Variants in CDH23 observed in about 807,000 individuals in gnomAD.
CDH23 encodes cadherin-23.
CDH23 carries 189 observed loss-of-function variants against 317.1 expected under a neutral mutation model. The ratio of observed to expected loss-of-function variants is 0.60; its 90% CI spans 0.53 to 0.67. The LOEUF is 0.67. Among genes scored for constraint, CDH23 ranks in the 30% least tolerant of loss-of-function variants. The pLI, the probability that CDH23 is intolerant of heterozygous loss-of-function variation, is 0.00. For synonymous variants in CDH23, 1,839 were observed against 1,876.8 expected, an observed-to-expected ratio of 0.98 and a Z score of 0.52; for missense variants, 4,401 against 4,592.4, an observed-to-expected ratio of 0.96 and a Z score of 1.20.
In CDH23 at chr10:71,688,484, CGTGGAGCCAGGGATG is replaced by C. The variant is rs1334096595; in HGVS notation, c.2059+778_2059+792del. ...GAATAAGGATGGTGGAGCCAGGGGT[CGTGGAGCCAGGGATG>C]GTGGAGCCAGGGGTGGTGGAGTCAG... On this transcript the variant is annotated intron_variant, in intron 19 of 69. Coordinates refer to ENST00000224721, the MANE Select transcript of CDH23 (RefSeq NM_022124.6). 5.4e-3 allele frequency among the ~76,000 whole-genome samples: 603 copies of C among 111,498 alleles called. 5 individuals carry two copies. The highest frequency in any genetic ancestry group is 0.02 in the African/African-American group (566 of 28,904). The allele number at this position is 111,498 out of a possible 152,430, so 73.1% of individuals were successfully genotyped here.
chr10:71,642,932 G>T (rs1477136930), intron 11 of CDH23, among the ~76,000 whole-genome samples: 1 of 152,172 alleles, frequency 6.6e-6, no homozygotes, highest in East Asian at 1.9e-4. Context: ...CAGCCTCAAG[G>T]GGCTGCTGAC....
intron 18 of CDH23, among the ~76,000 whole-genome samples, chr10:71,683,913 G>A (rs1227093): frequency 6.6e-6 from 1 of 151,650 alleles, no homozygotes; most frequent in African/African-American, 2.4e-5. Context: ...AAACTCCATC[G>A]CTACTAAAAA....
At chr10:71,780,670 G>T (rs1672280692) in intron 41 of CDH23, among the ~76,000 whole-genome samples, 1 of 152,160 alleles carries the variant, frequency 6.6e-6, no homozygotes, top group South Asian at 2.1e-4. Flanking sequence ...CTCTGAGGTG[G>T]GAACCCTAAG....
At chr10:71,762,447 T>C (rs1365848931) in intron 38 of CDH23, among the ~76,000 whole-genome samples, 2 of 152,378 alleles carry the variant, frequency 1.3e-5, no homozygotes, top group East Asian at 3.9e-4. Context: ...CTCCTAGGAC[T>C]GAACATGCCT....
At chr10:71,720,639 C>G (rs780711739) in intron 28 of CDH23, among the ~76,000 whole-genome samples, 8 of 152,132 alleles carry the variant, frequency 5.3e-5, no homozygotes, top group Non-Finnish European at 8.8e-5. Context: ...TTTTGGAGCC[C>G]CAGTTTCTGG....
At chr10:71,631,024 A>T (rs1458318660) in intron 11 of CDH23, among the ~76,000 whole-genome samples, 2 of 152,236 alleles carry the variant, frequency 1.3e-5, no homozygotes, top group Non-Finnish European at 2.9e-5. Context: ...CAGGAGGATT[A>T]TGTGAGCCCA....
chr10:71,782,392 G>A (rs1273023165), intron 41 of CDH23, among the ~76,000 whole-genome samples: 1 of 152,244 alleles, frequency 6.6e-6, no homozygotes, highest in Non-Finnish European at 1.5e-5. Context: ...CCCCAAGGTG[G>A]CATCTCTCTA....
intron 1 of CDH23, among the ~76,000 whole-genome samples, chr10:71,423,987 A>G (rs1482855857): frequency 6.6e-6 from 1 of 152,230 alleles, no homozygotes; most frequent in African/African-American, 2.4e-5. Context: ...GGTTGTCACT[A>G]TGACTGTTGG....
In CDH23 at chr10:71,716,150, G is replaced by A. The variant is rs544296493; in HGVS notation, c.3369+3337G>A. On this transcript the variant is annotated intron_variant, in intron 28 of 69. Transcript: ENST00000224721. Reference sequence around the variant, plus strand: ...AGCCCTGCGGCGGCTCGGGTCCAGCGCGGCCGGCTTGCAGAGCGTCATGAA... The same window carrying A: ...AGCCCTGCGGCGGCTCGGGTCCAGCACGGCCGGCTTGCAGAGCGTCATGAA... The A allele has an allele frequency of 2.1e-5, 33 of 1,550,472 alleles. No individual in the cohort carries two copies. The East Asian group carries it at 2.9e-4, about 14-fold the overall frequency.
At chr10:71,447,011 C>T (rs957448615) in intron 3 of CDH23, among the ~76,000 whole-genome samples, 2 of 152,178 alleles carry the variant, frequency 1.3e-5, no homozygotes, top group African/African-American at 2.4e-5. Flanking sequence ...TGCCCGTGTG[C>T]AGGCAGCCAA....
In CDH23 at chr10:71,777,661, G is replaced by T; in HGVS notation, c.4846-19G>T. On this transcript the variant is annotated intron_variant, in intron 38 of 69. Transcript: ENST00000224721. ...CCTCTGGCCACCTGACCAAGGACGT[G>T]ACCCACTCTTTTCCACAGGCCACCA... 1.9e-6 allele frequency: 3 copies of T among 1,597,080 alleles called. No individual in the cohort carries two copies. In the South Asian group the frequency reaches 3.4e-5, roughly 18 times the overall value.
At chr10:71,550,344 G>A (rs977785140) in intron 6 of CDH23, among the ~76,000 whole-genome samples, 21 of 152,096 alleles carry the variant, frequency 1.4e-4, no homozygotes, top group Middle Eastern at 3.4e-3. Flanking sequence ...TTGAGGCCAA[G>A]AGTTTGAGAC....
chr10:71,405,853 C>T lies in CDH23; in HGVS notation c.-6+8535C>T, dbSNP rs114715552. On this transcript the variant is annotated intron_variant, in intron 1 of 69. Coordinates refer to ENST00000224721, the MANE Select transcript of CDH23 (RefSeq NM_022124.6). ...CACATCTACTGTTGGGGAGGCCATT[C>T]CTCAGCCAATACTGAGCATCACCTG... is the stretch of plus-strand genomic sequence containing the variant. Among the ~76,000 whole-genome samples, 860 of 152,306 alleles carry T rather than the reference C, an allele frequency of 5.6e-3. 8 individuals are homozygous for T. Among genetic ancestry groups the T allele is most frequent in the African/African-American group, 0.02 (831 of 41,564 alleles).
chr10:71,737,697 CT>C (rs1162569199), intron 34 of CDH23: 2 of 470,426 alleles, frequency 4.3e-6, no homozygotes, highest in East Asian at 1.4e-4. Context: ...TCCAACCCCC[CT>C]CACACCCTCA....
intron 2 of CDH23, among the ~76,000 whole-genome samples, chr10:71,445,188 G>A (rs568931257): frequency 1.3e-5 from 2 of 152,336 alleles, no homozygotes; most frequent in Middle Eastern, 3.4e-3. Context: ...TGAAAGCAAG[G>A]CATGTTACTT....
At position 71,812,698 on chromosome 10, in the gene CDH23, G is replaced by A. The variant is rs533566394; in HGVS notation, c.9511-70G>A. On this transcript the variant is annotated intron_variant, in intron 67 of 69. Coordinates refer to ENST00000224721, the MANE Select transcript of CDH23 (RefSeq NM_022124.6). ...CTGGCCAAGAAGCTGGGTTCTTTAA[G>A]GGGTGGCCCCCTCCCTTGTACATGT... is the stretch of plus-strand genomic sequence containing the variant. The A allele has an allele frequency of 8.1e-6, 13 of 1,611,902 alleles. No individual in the cohort carries two copies. The East Asian group carries it at 2.9e-4, about 36-fold the overall frequency.
chr10:71,571,173 G>A (rs1225343064), intron 8 of CDH23, among the ~76,000 whole-genome samples: 1 of 152,224 alleles, frequency 6.6e-6, no homozygotes, highest in Non-Finnish European at 1.5e-5. Flanking sequence ...GCAAGTAACG[G>A]GGAGCCATTC....
At chr10:71,581,787 G>T (rs555921804) in intron 9 of CDH23, among the ~76,000 whole-genome samples, 1 of 152,274 alleles carries the variant, frequency 6.6e-6, no homozygotes, top group East Asian at 1.9e-4. Flanking sequence ...AGTTCTGCAG[G>T]CTCCCATCCC....
At chr10:71,806,420 GAAC>G (rs1372928185) in intron 57 of CDH23, 139 bp downstream of exon 57, 3 of 653,774 alleles carry the variant, frequency 4.6e-6, no homozygotes, top group Non-Finnish European at 8.3e-6. Flanking sequence ...CTTCATGCAA[GAAC>G]AACTATTTAT....
Sources: allele counts gnomAD v4.1 joint callset (sites outside exome capture counted in the v4.1 genomes callset), GRCh38; gene constraint gnomAD v4.1.1; transcripts MANE v1.5; gene names NCBI Gene and HGNC (gene_info 2026-07-23, HGNC 2026-07-21).